Variants in MEF2A observed in about 807,000 individuals in gnomAD.
The protein encoded by MEF2A is myocyte enhancer factor 2A.
In MEF2A, 28 loss-of-function variants were observed where a neutral mutation model predicts 55.8. That is an observed-to-expected ratio of 0.50 (90% confidence interval 0.37 to 0.69). MEF2A has a LOEUF of 0.69. Among genes scored for constraint, MEF2A ranks in the 30% least tolerant of loss-of-function variants. The pLI is 0.00. For missense variants in MEF2A, 528 were observed against 626.2 expected (o/e 0.84, Z 1.67); for synonymous variants, 239 against 227.1 (o/e 1.05, Z -0.47).
intron 4 of MEF2A, among the ~76,000 whole-genome samples, chr15:99,653,358 C>G (rs751894980): frequency 1.3e-5 from 2 of 152,116 alleles, no homozygotes; most frequent in African/African-American, 4.8e-5. Context: ...CAGAGAGAGA[C>G]TAGGGATCTA....
chr15:99,630,456 T>TA (rs1284787956), intron 2 of MEF2A, among the ~76,000 whole-genome samples: 2 of 151,760 alleles, frequency 1.3e-5, no homozygotes, highest in Middle Eastern at 3.2e-3. Flanking sequence ...TTCTTCATTT[T>TA]ACTTTTTAAT....
At chr15:99,651,391 T>C (rs2046822584) in intron 4 of MEF2A, among the ~76,000 whole-genome samples, 1 of 152,196 alleles carries the variant, frequency 6.6e-6, no homozygotes, top group Non-Finnish European at 1.5e-5. Context: ...GAGCCAGTCC[T>C]CTTTTCTCCC....
At chr15:99,664,557 A>G (rs1241191889) in intron 4 of MEF2A, among the ~76,000 whole-genome samples, 3 of 152,206 alleles carry the variant, frequency 2.0e-5, no homozygotes, top group Non-Finnish European at 4.4e-5. Context: ...GGAGAGAGAG[A>G]AAAGTGGAAA....
At chr15:99,578,226 C>A (rs568319085) in intron 1 of MEF2A, among the ~76,000 whole-genome samples, 1 of 152,286 alleles carries the variant, frequency 6.6e-6, no homozygotes, top group Admixed American at 6.5e-5. Context: ...TATTAAAATT[C>A]TTCAGTGAAG....
In MEF2A at chr15:99,714,590, C is replaced by T. The variant is rs1414367524; in HGVS notation, c.*1819C>T. On this transcript the variant is annotated 3_prime_UTR_variant, in exon 12 of 12. Transcript: ENST00000557942. The stretch of plus-strand genomic sequence containing the variant: ...CCCTCAGCTTGGATTTTGAACAAGG[C>T]CTTATTCTTTCAGGAAGACAACTAA... The T allele has an allele frequency of 6.6e-6, 1 of 152,004 alleles. No individual in the cohort carries two copies. Among genetic ancestry groups the T allele is most frequent in the Non-Finnish European group, 1.5e-5 (1 of 68,000 alleles). The allele number at this position is 152,004 out of a possible 1,614,324, so 9.4% of individuals were successfully genotyped here.
chr15:99,635,069 A>G lies in MEF2A; in HGVS notation c.54+1896A>G, dbSNP rs1003056997. Among the ~76,000 whole-genome samples the G allele has an allele frequency of 2.6e-5, 4 of 152,314 alleles. No individual in the cohort carries two copies. In the South Asian group the frequency reaches 6.2e-4, roughly 24 times the overall value. ...AGATGTCATTTATTTGTCCAGATTC[A>G]GATATATACTATATCCCAAGAGACT... On this transcript the variant is annotated intron_variant, in intron 3 of 11. Transcript: ENST00000557942.
rs575851933 is a variant in MEF2A, at chr15:99,677,228, T to C, written c.670+1770T>C. On this transcript the variant is annotated intron_variant, in intron 7 of 11. Transcript: ENST00000557942. ...TAGGCACACACACAAATAAAGCAAATGAAAACTTGCAGAAATAAACAAACA... is the reference window on the plus strand; with the variant it reads ...TAGGCACACACACAAATAAAGCAAACGAAAACTTGCAGAAATAAACAAACA... Among the ~76,000 whole-genome samples the C allele has an allele frequency of 2.0e-5, 3 of 152,048 alleles. No homozygotes were observed. The South Asian group carries it at 6.2e-4, about 32-fold the overall frequency.
At chr15:99,616,678 AAT>A (rs150640226) in intron 2 of MEF2A, among the ~76,000 whole-genome samples, 9 of 150,752 alleles carry the variant, frequency 6.0e-5, no homozygotes, top group South Asian at 4.2e-4. Flanking sequence ...TACTAAAATA[AAT>A]ATATATATAT....
At chr15:99,669,965 T>G (rs2153621084) in intron 4 of MEF2A, among the ~76,000 whole-genome samples, 1 of 152,328 alleles carries the variant, frequency 6.6e-6, no homozygotes, top group East Asian at 1.9e-4. Context: ...GCTCTGTTAG[T>G]TAGGCTTACT....
At chr15:99,600,727 T>C (rs1343301001) in intron 2 of MEF2A, among the ~76,000 whole-genome samples, 1 of 151,110 alleles carries the variant, frequency 6.6e-6, no homozygotes, top group East Asian at 1.9e-4. Context: ...TGTGTGGGTC[T>C]GTTTCAGGAC....
At chr15:99,655,313 A>G (rs1220333855) in intron 4 of MEF2A, among the ~76,000 whole-genome samples, 4 of 152,202 alleles carry the variant, frequency 2.6e-5, no homozygotes, top group Admixed American at 6.5e-5. Flanking sequence ...CTGGATATCC[A>G]TATAGAAAAA....
At chr15:99,647,030 A>G (rs916759113) in intron 4 of MEF2A, among the ~76,000 whole-genome samples, 3 of 152,074 alleles carry the variant, frequency 2.0e-5, no homozygotes, top group Admixed American at 6.6e-5. Flanking sequence ...TTTTGTTGAT[A>G]ACTTTGATTA....
chr15:99,683,711 T>TAAA (rs11299840), intron 7 of MEF2A, among the ~76,000 whole-genome samples: 2 of 139,440 alleles, frequency 1.4e-5, no homozygotes, highest in East Asian at 2.1e-4. Context: ...GGCCTTTTAT[T>TAAA]AAAAAAAAAA....
intron 2 of MEF2A, among the ~76,000 whole-genome samples, chr15:99,599,836 A>G (rs1312347007): frequency 6.6e-6 from 1 of 152,122 alleles, no homozygotes; most frequent in Non-Finnish European, 1.5e-5. Context: ...ACTGTGGATT[A>G]AAAAATACCC....
chr15:99,580,550 A>T (rs895697773), intron 1 of MEF2A, among the ~76,000 whole-genome samples: 2 of 152,220 alleles, frequency 1.3e-5, no homozygotes, highest in African/African-American at 4.8e-5. Flanking sequence ...CTACATTTAA[A>T]TGCCCTTACT....
chr15:99,613,888 C>T (rs2039731377), intron 2 of MEF2A, among the ~76,000 whole-genome samples: 1 of 152,164 alleles, frequency 6.6e-6, no homozygotes, highest in African/African-American at 2.4e-5. Flanking sequence ...TTTTAATATT[C>T]TACTACTGAA....
chr15:99,578,872 A>C (rs535410574), intron 1 of MEF2A, among the ~76,000 whole-genome samples: 2 of 152,358 alleles, frequency 1.3e-5, no homozygotes, highest in South Asian at 4.1e-4. Context: ...GACATGTTAA[A>C]TCATTAAGGA....
chr15:99,640,558 TC>T, intron 3 of MEF2A, among the ~76,000 whole-genome samples: 1 of 150,404 alleles, frequency 6.6e-6, no homozygotes, highest in African/African-American at 2.5e-5. Context: ...TTCTTTCTTT[TC>T]TTTTTTTTTT....
At chr15:99,581,837 G>A (rs1966029074) in intron 1 of MEF2A, among the ~76,000 whole-genome samples, 2 of 152,096 alleles carry the variant, frequency 1.3e-5, no homozygotes, top group Admixed American at 1.3e-4. Context: ...CTTCACGGAA[G>A]GATTGACATT....
Sources: gnomAD v4.1 joint callset for allele counts (sites outside exome capture counted in the v4.1 genomes callset) on GRCh38, gnomAD v4.1.1 for gene constraint, MANE v1.5 for transcripts, NCBI Gene and HGNC (gene_info 2026-07-23, HGNC 2026-07-21) for gene names.